The following ZDHHC20 variants were observed in gnomAD, a reference collection of about 807,000 sequenced individuals.
ZDHHC20 encodes palmitoyltransferase ZDHHC20.
A neutral mutation model predicts 57.8 loss-of-function variants in ZDHHC20; 43 were observed. The ratio of observed to expected loss-of-function variants is 0.74; its 90% CI spans 0.58 to 0.96. ZDHHC20 has a LOEUF of 0.96. Among genes scored for constraint, ZDHHC20 ranks in the 40% least tolerant of loss-of-function variants. The pLI is 0.00. For synonymous variants in ZDHHC20, 157 were observed against 153.0 expected (o/e 1.03, Z -0.19); for missense variants, 391 against 441.1 (o/e 0.89, Z 1.02).
intron 7 of ZDHHC20, among the ~76,000 whole-genome samples, chr13:21,396,040 C>G (rs947127283): frequency 6.6e-6 from 1 of 152,152 alleles, no homozygotes; most frequent in African/African-American, 2.4e-5. Context: ...GGACCAGGTA[C>G]AAGACAACTA....
intron 3 of ZDHHC20, among the ~76,000 whole-genome samples, chr13:21,419,036 T>A (rs1223881852): frequency 6.6e-6 from 1 of 152,198 alleles, no homozygotes; most frequent in Non-Finnish European, 1.5e-5. Flanking sequence ...ATTTTTCTTA[T>A]TCTATTTCTT....
intron 1 of ZDHHC20, among the ~76,000 whole-genome samples, chr13:21,434,835 A>C (rs1158770737): frequency 6.6e-6 from 1 of 152,090 alleles, no homozygotes; most frequent in African/African-American, 2.4e-5. Flanking sequence ...CCAGTTATAC[A>C]ATCAGCCTTC....
intron 1 of ZDHHC20, among the ~76,000 whole-genome samples, chr13:21,426,889 T>C (rs992593278): frequency 6.6e-6 from 1 of 152,226 alleles, no homozygotes; most frequent in African/African-American, 2.4e-5. Flanking sequence ...ATTACAGGCA[T>C]GAGCCACCGC....
At chr13:21,386,794 C>G (rs757069713) in intron 9 of ZDHHC20, among the ~76,000 whole-genome samples, 12 of 152,234 alleles carry the variant, frequency 7.9e-5, no homozygotes, top group Non-Finnish European at 1.3e-4. Flanking sequence ...AGTGATTCAC[C>G]TGCCTCGGCC....
intron 7 of ZDHHC20, among the ~76,000 whole-genome samples, chr13:21,396,666 C>T (rs1319170124): frequency 1.3e-5 from 2 of 152,006 alleles, no homozygotes; most frequent in East Asian, 1.9e-4. Flanking sequence ...AACCCTGTCT[C>T]TACTAAAAAT....
chr13:21,447,931 G>A (rs1240733256), intron 1 of ZDHHC20, among the ~76,000 whole-genome samples: 42 of 113,066 alleles, frequency 3.7e-4, no homozygotes, highest in African/African-American at 1.3e-3. Flanking sequence ...CCTCTGCCCC[G>A]CCGCCCCATC....
chr13:21,453,093 TAA>T (rs1884606004), intron 1 of ZDHHC20, among the ~76,000 whole-genome samples: 1 of 152,142 alleles, frequency 6.6e-6, no homozygotes, highest in African/African-American at 2.4e-5. Context: ...AATTTAAATA[TAA>T]GACACATACA....
chr13:21,400,696 CTG>C (rs1358318142), intron 6 of ZDHHC20, among the ~76,000 whole-genome samples: 1 of 152,154 alleles, frequency 6.6e-6, no homozygotes, highest in Non-Finnish European at 1.5e-5. Flanking sequence ...CACTACTGAA[CTG>C]TACCCTAAGA....
At chr13:21,420,727 G>C (rs1416467344) in intron 3 of ZDHHC20, among the ~76,000 whole-genome samples, 1 of 152,196 alleles carries the variant, frequency 6.6e-6, no homozygotes, top group African/African-American at 2.4e-5. Flanking sequence ...AAATATAAAT[G>C]TTGAGAGTTT....
In ZDHHC20 at chr13:21,424,568, A is replaced by G. The variant is rs529729845; in HGVS notation, c.145+1084T>C. 1.4e-3 allele frequency among the ~76,000 whole-genome samples: 207 copies of G among 152,132 alleles called. 1 individual carries two copies. The highest frequency in any genetic ancestry group is 1.4e-3 in the Non-Finnish European group (94 of 67,986). The stretch of plus-strand genomic sequence containing the variant: ...ACTAAAAAAATACAAAAAATTAGCC[A>G]GGCGTGGTGGCAGGTGCCTGTAGTC... On this transcript the variant is annotated intron_variant, in intron 2 of 12. Transcript: ENST00000400590.
At chr13:21,387,895 GCTCAGTAT>G (rs1566067231) in intron 8 of ZDHHC20, among the ~76,000 whole-genome samples, 1 of 151,862 alleles carries the variant, frequency 6.6e-6, no homozygotes, top group Non-Finnish European at 1.5e-5. Flanking sequence ...AGTATTGTGT[GCTCAGTAT>G]CTCTTGGCTT....
chr13:21,453,330 G>C (rs1381977503), intron 1 of ZDHHC20, among the ~76,000 whole-genome samples: 2 of 152,148 alleles, frequency 1.3e-5, no homozygotes, highest in African/African-American at 2.4e-5. Context: ...AAAACTGATA[G>C]AACTACAAGG....
At chr13:21,447,231 C>T (rs1487033903) in intron 1 of ZDHHC20, among the ~76,000 whole-genome samples, 6 of 24,692 alleles carry the variant, frequency 2.4e-4, no homozygotes, top group African/African-American at 3.8e-4. Context: ...GTGGAGCCTC[C>T]GAGGCCGAGG....
intron 1 of ZDHHC20, among the ~76,000 whole-genome samples, chr13:21,452,896 A>T (rs1884586859): frequency 6.6e-6 from 1 of 152,170 alleles, no homozygotes; most frequent in African/African-American, 2.4e-5. Context: ...TTAATTCAAA[A>T]GAAGGTCAAA....
At chr13:21,437,284 A>G (rs778286518) in intron 1 of ZDHHC20, among the ~76,000 whole-genome samples, 1 of 152,230 alleles carries the variant, frequency 6.6e-6, no homozygotes, top group Non-Finnish European at 1.5e-5. Context: ...TTTTTATGTA[A>G]AAGCTGCAGC....
intron 1 of ZDHHC20, among the ~76,000 whole-genome samples, chr13:21,426,850 C>T (rs534756858): frequency 7.2e-5 from 11 of 152,234 alleles, no homozygotes; most frequent in African/African-American, 2.4e-4. Flanking sequence ...CAAGTGAATC[C>T]GCCCACCTCA....
In ZDHHC20 at chr13:21,387,489, C is replaced by T; in HGVS notation, c.854+19G>A. 6.7e-7 allele frequency: 1 copy of T among 1,484,262 alleles called. No individual in the cohort carries two copies. The highest frequency in any genetic ancestry group is 1.4e-5 in the South Asian group (1 of 70,388). The allele number at this position is 1,484,262 out of a possible 1,614,324, so 91.9% of individuals were successfully genotyped here. On this transcript the variant is annotated intron_variant, in intron 9 of 12. Coordinates refer to ENST00000400590, the MANE Select transcript of ZDHHC20 (RefSeq NM_001330059.2). ...ACCACAGATGCCATAATCTCTGAGA[C>T]CCACATTTTATAAATTACCTTGAAA...
At chr13:21,452,865 T>TA (rs898168460) in intron 1 of ZDHHC20, among the ~76,000 whole-genome samples, 112 of 151,780 alleles carry the variant, frequency 7.4e-4, no homozygotes, top group African/African-American at 2.5e-3. Context: ...AAATCAAAAT[T>TA]AAAAAAATTG....
intron 4 of ZDHHC20, among the ~76,000 whole-genome samples, chr13:21,407,689 T>C (rs879932349): frequency 6.6e-6 from 1 of 152,264 alleles, no homozygotes; most frequent in Non-Finnish European, 1.5e-5. Context: ...ATTAAGTCTT[T>C]GCCCATGCAT....
Sources: allele counts gnomAD v4.1 joint callset (sites outside exome capture counted in the v4.1 genomes callset), GRCh38; gene constraint gnomAD v4.1.1; transcripts MANE v1.5; gene names NCBI Gene and HGNC (gene_info 2026-07-23, HGNC 2026-07-21).